PLEKHG1: variants seen among roughly 807,000 people sequenced by gnomAD.
PLEKHG1 encodes the protein pleckstrin homology domain-containing family G member 1.
A neutral mutation model predicts 100.8 loss-of-function variants in PLEKHG1; 44 were observed. The ratio of observed to expected loss-of-function variants is 0.44; its 90% CI spans 0.34 to 0.56. The LOEUF (loss-of-function observed/expected upper bound fraction) is 0.56, where lower values mean the gene tolerates loss of function less well. PLEKHG1 is among the 20% of genes least tolerant of loss of function. The probability of loss-of-function intolerance (pLI) is 0.01; values close to 1 mark genes in which losing one functional copy is unlikely to be tolerated. For synonymous variants in PLEKHG1, 640 were observed against 662.5 expected (o/e 0.97, Z 0.52); for missense variants, 1,545 against 1,720.9 (o/e 0.90, Z 1.81).
chr6:150,804,676 A>G, exon 7 of PLEKHG1: 1 of 1,613,868 alleles, frequency 6.2e-7, no homozygotes, highest in Non-Finnish European at 8.5e-7. Context: ...TATAGACACA[A>G]TGCAGCGAGT....
intron 3 of PLEKHG1, among the ~76,000 whole-genome samples, chr6:150,661,658 G>T (rs1240362725): frequency 6.6e-6 from 1 of 152,140 alleles, no homozygotes; most frequent in Non-Finnish European, 1.5e-5. Context: ...AGTGGTTCTT[G>T]CAACTAGAGA....
intron 2 of PLEKHG1, among the ~76,000 whole-genome samples, chr6:150,639,268 T>G (rs1435999334): frequency 1.3e-5 from 2 of 152,236 alleles, no homozygotes; most frequent in African/African-American, 4.8e-5. Flanking sequence ...AAATAACCCT[T>G]ATTAATGCAT....
In PLEKHG1 at chr6:150,831,364, G is replaced by A. The variant is rs144500507; in HGVS notation, c.2253G>A (p.Pro751=). ...ACACCATAGGGCTCCCAGATCCTCC[G>A]TCGCTGGGTTTTAAGTGCAGCAGCC... The change falls in exon 15 of 16, where the codon CCG becomes CCA. Residue 751 remains proline (P), a synonymous_variant. Coordinates refer to ENST00000358517, the Ensembl canonical transcript of PLEKHG1. This position sits in a 1 kb window ranked among gnomAD's most constrained non-coding sequence, Gnocchi z 4.1. 8.1e-5 allele frequency: 130 copies of A among 1,613,972 alleles called. No homozygotes were observed. Among genetic ancestry groups the A allele is most frequent in the Non-Finnish European group, 1.0e-4 (118 of 1,180,036 alleles).
At chr6:150,747,208 A>T (rs1783210230) in intron 2 of PLEKHG1, among the ~76,000 whole-genome samples, 1 of 152,198 alleles carries the variant, frequency 6.6e-6, no homozygotes, top group Non-Finnish European at 1.5e-5. Context: ...GAATTCAGAA[A>T]ATTATCTTCT....
At chr6:150,606,908 C>T (rs1040565595) in intron 1 of PLEKHG1, among the ~76,000 whole-genome samples, 5 of 152,110 alleles carry the variant, frequency 3.3e-5, no homozygotes, top group African/African-American at 1.2e-4. Flanking sequence ...TCTCCCAACT[C>T]TGCTAGGGAA....
rs552445821 is a variant in PLEKHG1, at chr6:150,703,324, TG to T, written c.-98-30258del. Reference sequence around the variant, plus strand: ...TCAGTCCGTTAGAAAAGCTCTTGTCTGGCTGGGCATGGTGGCCTGTAATCCC... The same window carrying T: ...TCAGTCCGTTAGAAAAGCTCTTGTCTGCTGGGCATGGTGGCCTGTAATCCC... On this transcript the variant is annotated intron_variant, in intron 3 of 3. Transcript: ENST00000367326. Among the ~76,000 whole-genome samples the T allele has an allele frequency of 4.5e-4, 68 of 152,264 alleles. 2 individuals carry two copies. The East Asian group carries it at 0.012, about 26-fold the overall frequency.
chr6:150,840,333 C>T (rs1777459004), exon 16 of PLEKHG1: 1 of 1,614,054 alleles, frequency 6.2e-7, no homozygotes, highest in Non-Finnish European at 8.5e-7. Context: ...CATCAACTAC[C>T]CTAGTGATGT....
At chr6:150,628,715 T>G (rs1582840165) in intron 1 of PLEKHG1, among the ~76,000 whole-genome samples, 1 of 152,192 alleles carries the variant, frequency 6.6e-6, no homozygotes, top group African/African-American at 2.4e-5. Context: ...AATGATGTTA[T>G]AATCTAGCAG....
At chr6:150,625,841 C>G (rs1029511081) in intron 1 of PLEKHG1, 4 of 152,186 alleles carry the variant, frequency 2.6e-5, no homozygotes, top group African/African-American at 9.7e-5. Context: ...GTTACATTCT[C>G]ATTTACCAGG....
chr6:150,609,693 C>T (rs1235446821), intron 1 of PLEKHG1, among the ~76,000 whole-genome samples: 2 of 152,166 alleles, frequency 1.3e-5, no homozygotes, highest in South Asian at 2.1e-4. Context: ...CTGCCTGCTG[C>T]GTAGGAAAAG....
At chr6:150,688,130 C>G (rs1375976689) in intron 3 of PLEKHG1, among the ~76,000 whole-genome samples, 1 of 151,214 alleles carries the variant, frequency 6.6e-6, no homozygotes, top group Non-Finnish European at 1.5e-5. Context: ...CCTAGGCATT[C>G]CGTAAGAAGT....
At position 150,817,763 on chromosome 6, in the gene PLEKHG1, G is replaced by A. The variant is rs139415853; in HGVS notation, c.1279-420G>A. ...AGTAGAGACGGGGTTTCACCATATTGGCCAGGCTGGTCTTGAACTCCTGAC... is the reference window on the plus strand; with the variant it reads ...AGTAGAGACGGGGTTTCACCATATTAGCCAGGCTGGTCTTGAACTCCTGAC... On this transcript the variant is annotated intron_variant, in intron 10 of 15. Transcript: ENST00000358517. Among the ~76,000 whole-genome samples the A allele has an allele frequency of 2.6e-3, 399 of 151,964 alleles. 5 individuals are homozygous for A. Among genetic ancestry groups the A allele is most frequent in the African/African-American group, 9.3e-3 (385 of 41,448 alleles).
chr6:150,817,767 A>G (rs1374685597), intron 10 of PLEKHG1, among the ~76,000 whole-genome samples: 1 of 151,968 alleles, frequency 6.6e-6, no homozygotes, highest in Non-Finnish European at 1.5e-5. Flanking sequence ...CATATTGGCC[A>G]GGCTGGTCTT....
At chr6:150,727,874 G>C (rs1384483601) in intron 1 of PLEKHG1, among the ~76,000 whole-genome samples, 1 of 152,170 alleles carries the variant, frequency 6.6e-6, no homozygotes, top group Admixed American at 6.5e-5. Context: ...TGGGATTTTG[G>C]AATAGACAGA....
At chr6:150,660,071 ATTT>A (rs60016202) in intron 3 of PLEKHG1, among the ~76,000 whole-genome samples, 2 of 143,670 alleles carry the variant, frequency 1.4e-5, no homozygotes. Flanking sequence ...TTTGTTCATA[ATTT>A]TTTTTTTTTT....
chr6:150,678,461 C>T (rs1196135834), intron 3 of PLEKHG1, among the ~76,000 whole-genome samples: 1 of 152,212 alleles, frequency 6.6e-6, no homozygotes, highest in East Asian at 1.9e-4. Flanking sequence ...TCTGTGTTAA[C>T]TTCAGATGCC....
At chr6:150,722,349 CTTTTTTTTTTTTTTTTTT>C (rs139069069) in intron 1 of PLEKHG1, among the ~76,000 whole-genome samples, 1 of 90,680 alleles carries the variant, frequency 1.1e-5, no homozygotes, top group Admixed American at 1.4e-4. Context: ...TTTTTCTTTT[CTTTTTTTTTTTTTTTTTT>C]TTTTGAGACT....
At chr6:150,759,022 G>A (rs1353544115) in intron 2 of PLEKHG1, among the ~76,000 whole-genome samples, 2 of 152,242 alleles carry the variant, frequency 1.3e-5, no homozygotes, top group East Asian at 3.8e-4. Flanking sequence ...CCTGTGACTG[G>A]TTTGGGGAAG....
chr6:150,633,184 G>A (rs1777833377), intron 1 of PLEKHG1: 1 of 152,228 alleles, frequency 6.6e-6, no homozygotes. Flanking sequence ...CTGCACTTGA[G>A]GAAACCACAG....
Sources: allele counts gnomAD v4.1 joint callset (sites outside exome capture counted in the v4.1 genomes callset), GRCh38; gene constraint gnomAD v4.1.1; non-coding constraint Gnocchi (gnomAD v3.1); transcripts MANE v1.5; gene names NCBI Gene and HGNC (gene_info 2026-07-23, HGNC 2026-07-21).